The following ATL1 variants were observed in gnomAD, a reference collection of about 807,000 sequenced individuals.
ATL1 encodes atlastin GTPase 1.
Under a neutral mutation model 75.5 loss-of-function variants are expected in ATL1, and 31 were observed. The ratio of observed to expected loss-of-function variants is 0.41; its 90% CI spans 0.31 to 0.55. The LOEUF (loss-of-function observed/expected upper bound fraction) is 0.55, where lower values mean the gene tolerates loss of function less well. Among genes scored for constraint, ATL1 ranks in the 20% least tolerant of loss-of-function variants. The pLI is 0.27. For synonymous variants in ATL1, 226 were observed against 233.3 expected (o/e 0.97, Z 0.28); for missense variants, 405 against 662.6 (o/e 0.61, Z 4.27).
rs1223058728 is a variant in ATL1 at position 50,616,332 on chromosome 14, T to A, written c.862+1821T>A. Among the ~76,000 whole-genome samples the A allele has an allele frequency of 3.3e-5, 5 of 152,032 alleles. No homozygotes were observed. In the South Asian group the frequency reaches 1.0e-3, roughly 32 times the overall value. ...TTTTTTTAGAGATGGGGTCTTGCTC[T>A]GTCTATCAGGCTGGAGTGCAGCGGT... On this transcript the variant is annotated intron_variant, in intron 8 of 13. Coordinates refer to ENST00000358385, the MANE Select transcript of ATL1 (RefSeq NM_015915.5).
At chr14:50,562,484 T>C (rs188465830) in intron 1 of ATL1, among the ~76,000 whole-genome samples, 1 of 152,316 alleles carries the variant, frequency 6.6e-6, no homozygotes, top group Admixed American at 6.5e-5. Context: ...TCAATAGATC[T>C]GAAAGAGGGC....
intron 6 of ATL1, among the ~76,000 whole-genome samples, chr14:50,598,197 G>A (rs1010924304): frequency 6.6e-6 from 1 of 152,092 alleles, no homozygotes; most frequent in Admixed American, 6.5e-5. Flanking sequence ...TATGATCACA[G>A]ATGGTATGAT....
intron 12 of ATL1, among the ~76,000 whole-genome samples, chr14:50,629,047 A>C (rs1022144332): frequency 6.6e-6 from 1 of 152,192 alleles, no homozygotes; most frequent in Non-Finnish European, 1.5e-5. Flanking sequence ...TATATCTATT[A>C]AAAGTTGTAA....
At chr14:50,562,265 C>T (rs1024310445) in intron 1 of ATL1, among the ~76,000 whole-genome samples, 10 of 152,080 alleles carry the variant, frequency 6.6e-5, no homozygotes, top group Admixed American at 1.3e-4. Context: ...AGGATGGTTT[C>T]GATCTCCTGA....
At chr14:50,610,068 C>T (rs962534080) in intron 6 of ATL1, among the ~76,000 whole-genome samples, 1 of 151,852 alleles carries the variant, frequency 6.6e-6, no homozygotes, top group African/African-American at 2.4e-5. Flanking sequence ...TGGATTCACA[C>T]CCGCCTCTCT....
chr14:50,585,662 G>T (rs575170108), intron 1 of ATL1, among the ~76,000 whole-genome samples: 64 of 152,208 alleles, frequency 4.2e-4, no homozygotes, highest in African/African-American at 1.5e-3. Context: ...CTTCACAAAG[G>T]CTTTCTGATA....
chr14:50,568,962 C>A (rs989656062), intron 1 of ATL1, among the ~76,000 whole-genome samples: 1 of 152,054 alleles, frequency 6.6e-6, no homozygotes, highest in Non-Finnish European at 1.5e-5. Context: ...TTCTCCTTTA[C>A]ATGTCCATCC....
chr14:50,612,896 C>A (rs192766481), intron 6 of ATL1, among the ~76,000 whole-genome samples: 36 of 152,174 alleles, frequency 2.4e-4, no homozygotes, highest in Admixed American at 1.5e-3. Flanking sequence ...ATATCTTATG[C>A]CTGCATTCAG....
chr14:50,595,641 G>A lies in ATL1; in HGVS notation c.630+9G>A, dbSNP rs775158390. Reference sequence around the variant, plus strand: ...TCCTGAAGCCATTTCAGGTGAGCGAGTGTTAAATGATGGTAAATTCTTACT... The same window carrying A: ...TCCTGAAGCCATTTCAGGTGAGCGAATGTTAAATGATGGTAAATTCTTACT... On this transcript the variant is annotated intron_variant, in intron 6 of 13. Transcript: ENST00000358385. 10 of 1,613,080 alleles carry A rather than the reference G, an allele frequency of 6.2e-6. No individual in the cohort carries two copies. Among genetic ancestry groups the A allele is most frequent in the African/African-American group, 2.7e-5 (2 of 74,858 alleles).
At chr14:50,576,451 C>G (rs1480972820) in intron 1 of ATL1, among the ~76,000 whole-genome samples, 1 of 152,076 alleles carries the variant, frequency 6.6e-6, no homozygotes, top group Non-Finnish European at 1.5e-5. Flanking sequence ...GTTTCCTGCC[C>G]CCTCTCTCTT....
At chr14:50,611,842 T>G (rs574915524) in intron 6 of ATL1, among the ~76,000 whole-genome samples, 11 of 152,152 alleles carry the variant, frequency 7.2e-5, no homozygotes, top group Admixed American at 2.6e-4. Flanking sequence ...AAATTGGTAC[T>G]TTGGAAAATG....
At position 50,620,745 on chromosome 14, in the gene ATL1, G is replaced by T; in HGVS notation, c.990+19G>T. The T allele has an allele frequency of 6.2e-7, 1 of 1,611,954 alleles. No homozygotes were observed. The highest frequency in any genetic ancestry group is 1.1e-5 in the South Asian group (1 of 90,978). ...CTTCAAGGTATCACTCTCATTTCTA[G>T]AGCATTCGTGGGATAGATTTGACAT... On this transcript the variant is annotated intron_variant, in intron 9 of 13. Transcript: ENST00000358385.
At chr14:50,557,822 C>T (rs959086451), upstream of ATL1, among the ~76,000 whole-genome samples, 8 of 152,114 alleles carry the variant, frequency 5.3e-5, no homozygotes, top group South Asian at 4.1e-4. Flanking sequence ...CACCTTTTCT[C>T]GTTAAAAGGA....
intron 1 of ATL1, among the ~76,000 whole-genome samples, chr14:50,533,960 A>G (rs1460246101): frequency 1.3e-5 from 2 of 152,214 alleles, no homozygotes; most frequent in Non-Finnish European, 1.5e-5. Flanking sequence ...GACAAAGCCT[A>G]TGTGTTTGCT....
chr14:50,591,394 G>T lies in ATL1; in HGVS notation c.418-141G>T, dbSNP rs755194235. 4 of 636,464 alleles carry T rather than the reference G, an allele frequency of 6.3e-6. No individual in the cohort carries two copies. In the Admixed American group the frequency reaches 8.7e-5, roughly 14 times the overall value. The allele number at this position is 636,464 out of a possible 1,614,324, so 39.4% of individuals were successfully genotyped here. ...GCTGTTAATATTTTTATTTTCTGTG[G>T]CATTCATGGCATGTGTAAGAAATTA... is the stretch of plus-strand genomic sequence containing the variant. On this transcript the variant is annotated intron_variant, in intron 3 of 13. Transcript: ENST00000358385.
intron 5 of ATL1, 74 bp downstream of exon 5, chr14:50,593,970 T>C (rs2039188594): frequency 8.9e-7 from 1 of 1,127,750 alleles, no homozygotes; most frequent in African/African-American, 1.5e-5. Flanking sequence ...TGGGGAATGA[T>C]TTCAAAACAT....
At chr14:50,598,612 C>G (rs2039243664) in intron 6 of ATL1, among the ~76,000 whole-genome samples, 1 of 152,128 alleles carries the variant, frequency 6.6e-6, no homozygotes, top group Non-Finnish European at 1.5e-5. Flanking sequence ...ATCTGCCCGC[C>G]TCGGCCTCCG....
rs190293507 is a variant in ATL1 at position 50,576,037 on chromosome 14, C to A, written c.35-11794C>A. Among the ~76,000 whole-genome samples, 40 of 152,226 alleles carry A rather than the reference C, an allele frequency of 2.6e-4. 1 individual carries two copies. The highest frequency in any genetic ancestry group is 2.3e-3 in the Admixed American group (35 of 15,290). On this transcript the variant is annotated intron_variant, in intron 1 of 13. Coordinates refer to ENST00000358385, the MANE Select transcript of ATL1 (RefSeq NM_015915.5). Reference sequence around the variant, plus strand: ...TATGATGGTTTGACCTATGGGTTTTCAATTTTACAATGGTTTGAAAGCAAT... The same window carrying A: ...TATGATGGTTTGACCTATGGGTTTTAAATTTTACAATGGTTTGAAAGCAAT...
intron 11 of ATL1, among the ~76,000 whole-genome samples, chr14:50,626,698 A>G (rs2039523838): frequency 6.6e-6 from 1 of 152,250 alleles, no homozygotes; most frequent in Admixed American, 6.5e-5. Flanking sequence ...TAATGTGTAA[A>G]GATCAAATCA....
Sources: allele counts gnomAD v4.1 joint callset (sites outside exome capture counted in the v4.1 genomes callset), GRCh38; gene constraint gnomAD v4.1.1; transcripts MANE v1.5; gene names NCBI Gene and HGNC (gene_info 2026-07-23, HGNC 2026-07-21).